KALRN: variants seen among roughly 807,000 people sequenced by gnomAD.
The protein encoded by KALRN is kalirin RhoGEF kinase.
KALRN carries 70 observed loss-of-function variants against 353.7 expected under a neutral mutation model. That is an observed-to-expected ratio of 0.20 (90% confidence interval 0.16 to 0.24). The LOEUF is 0.24. Ranked by LOEUF, KALRN falls within the 10% of genes least tolerant of loss-of-function variation. KALRN has a pLI of 1.00. For synonymous variants in KALRN, 1,391 were observed against 1,434.8 expected (o/e 0.97, Z 0.69); for missense variants, 2,791 against 3,756.7 (o/e 0.74, Z 6.72).
At chr3:124,331,924 G>A (rs950829633) in intron 8 of KALRN, among the ~76,000 whole-genome samples, 3 of 152,120 alleles carry the variant, frequency 2.0e-5, no homozygotes, top group Non-Finnish European at 4.4e-5. Context: ...TGGATTTCTA[G>A]GACTTGGGAC....
At chr3:124,097,131 A>C (rs996384586) in intron 1 of KALRN, among the ~76,000 whole-genome samples, 7 of 152,260 alleles carry the variant, frequency 4.6e-5, no homozygotes, top group African/African-American at 1.2e-4. Flanking sequence ...GTGCATACCC[A>C]CATCCATATT....
At chr3:124,626,820 A>T (rs933927455) in intron 34 of KALRN, among the ~76,000 whole-genome samples, 6 of 152,200 alleles carry the variant, frequency 3.9e-5, no homozygotes, top group African/African-American at 1.4e-4. Flanking sequence ...ATGAACTTGG[A>T]TGTAGAGATA....
chr3:124,264,728 T>G, intron 4 of KALRN, 38 bp downstream of exon 4: 3 of 1,550,360 alleles, frequency 1.9e-6, no homozygotes, highest in Non-Finnish European at 2.7e-6. Flanking sequence ...CTTCTTTCCC[T>G]TCCCCTTCTG....
intron 23 of KALRN, among the ~76,000 whole-genome samples, chr3:124,457,259 G>A (rs748018334): frequency 2.0e-5 from 3 of 151,906 alleles, no homozygotes; most frequent in Non-Finnish European, 4.4e-5. Flanking sequence ...TAATAGAAAC[G>A]GGGTTTCACC....
rs1033664186 is a variant in KALRN at position 124,034,840 on chromosome 3, C to T, written c.73+1027C>T. ...AGTAAGTTACCGGGGCCCCATGCAT[C>T]TGCTCTCCCTTCTGGAAAGTTGGAT... On this transcript the variant is annotated intron_variant, in intron 1 of 59. Coordinates refer to ENST00000682506, the MANE Select transcript of KALRN (RefSeq NM_001388419.1). Among the ~76,000 whole-genome samples, 6 of 152,266 alleles carry T rather than the reference C, an allele frequency of 3.9e-5. No homozygotes were observed. The East Asian group carries it at 1.2e-3, about 29-fold the overall frequency.
chr3:124,368,416 C>A (rs2085312919), intron 10 of KALRN, among the ~76,000 whole-genome samples: 2 of 149,604 alleles, frequency 1.3e-5, no homozygotes, highest in Non-Finnish European at 1.5e-5. Flanking sequence ...CTCCTCACAT[C>A]CCAGATGGGG....
At chr3:124,556,513 T>C (rs2071270709) in intron 33 of KALRN, among the ~76,000 whole-genome samples, 1 of 152,048 alleles carries the variant, frequency 6.6e-6, no homozygotes, top group South Asian at 2.1e-4. Context: ...AGGACAGAAG[T>C]TTAGTAGAGG....
At chr3:124,271,384 C>A (rs530841491) in intron 5 of KALRN, among the ~76,000 whole-genome samples, 13 of 152,280 alleles carry the variant, frequency 8.5e-5, no homozygotes, top group Non-Finnish European at 1.6e-4. Flanking sequence ...ACCAAGTAAA[C>A]GGCATACCAT....
chr3:124,610,631 C>T (rs192429111), intron 34 of KALRN, among the ~76,000 whole-genome samples: 2 of 132,632 alleles, frequency 1.5e-5, no homozygotes, highest in East Asian at 2.5e-4. Flanking sequence ...TATTAACTAA[C>T]CCTGGGGGGG....
At chr3:124,343,397 C>A (rs1347338035) in intron 9 of KALRN, among the ~76,000 whole-genome samples, 1 of 152,134 alleles carries the variant, frequency 6.6e-6, no homozygotes, top group African/African-American at 2.4e-5. Flanking sequence ...TAGGTTCAAG[C>A]AATCCACCTG....
chr3:124,314,334 A>G (rs571331421), intron 6 of KALRN, among the ~76,000 whole-genome samples: 2 of 112,832 alleles, frequency 1.8e-5, no homozygotes, highest in Admixed American at 2.6e-4. Flanking sequence ...GGAACATCAC[A>G]TACCGGGGCC....
chr3:124,285,359 C>G (rs1232381080), intron 5 of KALRN, among the ~76,000 whole-genome samples: 1 of 152,104 alleles, frequency 6.6e-6, no homozygotes. Flanking sequence ...CCCAACAGGA[C>G]AGTCAGTAGC....
At chr3:124,424,475 A>T (rs2150380144) in intron 15 of KALRN, among the ~76,000 whole-genome samples, 1 of 152,204 alleles carries the variant, frequency 6.6e-6, no homozygotes, top group African/African-American at 2.4e-5. Flanking sequence ...TATTTATTAT[A>T]ATGAAAAAAA....
rs558100476 is a variant in KALRN at position 124,306,632 on chromosome 3, T to A, written c.1092+7719T>A. On this transcript the variant is annotated intron_variant, in intron 6 of 59. Transcript: ENST00000682506. Reference sequence around the variant, plus strand: ...TCTTTCAAAGTTTATTTTAAAATATTTATGGCCAGGATGCTTAAGAAACTC... The same window carrying A: ...TCTTTCAAAGTTTATTTTAAAATATATATGGCCAGGATGCTTAAGAAACTC... Among the ~76,000 whole-genome samples the A allele has an allele frequency of 2.0e-5, 3 of 152,226 alleles. No individual in the cohort carries two copies. In the South Asian group the frequency reaches 6.2e-4, roughly 32 times the overall value.
intron 30 of KALRN, 45 bp downstream of exon 30, chr3:124,490,929 G>A (rs368424358): frequency 1.4e-4 from 208 of 1,539,634 alleles, no homozygotes; most frequent in Non-Finnish European, 1.8e-4. Context: ...TGCTTTCATA[G>A]AACCCATGGG....
At chr3:124,121,744 A>C (rs2064047766) in intron 1 of KALRN, among the ~76,000 whole-genome samples, 1 of 152,198 alleles carries the variant, frequency 6.6e-6, no homozygotes, top group South Asian at 2.1e-4. Context: ...AATTCTCCAT[A>C]AGGCCATTAA....
intron 23 of KALRN, 61 bp from the exon 24 acceptor site, chr3:124,461,829 G>A (rs906594002): frequency 1.6e-6 from 2 of 1,270,382 alleles, no homozygotes; most frequent in African/African-American, 2.9e-5. Flanking sequence ...GGGAAGTGAA[G>A]TTTGAAGGAG....
At chr3:124,715,151 T>C (rs541889130) in intron 58 of KALRN, among the ~76,000 whole-genome samples, 54 of 152,296 alleles carry the variant, frequency 3.5e-4, no homozygotes, top group Admixed American at 2.0e-3. Context: ...AAGAAAAGCA[T>C]GCATTGGAGA....
chr3:124,230,857 CAA>C (rs796655959), intron 2 of KALRN, among the ~76,000 whole-genome samples: 6 of 93,696 alleles, frequency 6.4e-5, no homozygotes, highest in African/African-American at 1.5e-4. Flanking sequence ...CCCCCAAAAC[CAA>C]AAAAAAAAAA....
Sources: allele counts gnomAD v4.1 joint callset (sites outside exome capture counted in the v4.1 genomes callset), GRCh38; gene constraint gnomAD v4.1.1; transcripts MANE v1.5; gene names NCBI Gene and HGNC (gene_info 2026-07-23, HGNC 2026-07-21).